PCDHGA6: variants seen among roughly 807,000 people sequenced by gnomAD.
PCDHGA6 encodes the protein protocadherin gamma subfamily A, 6, also known as protocadherin gamma-A6.
In PCDHGA6, 41 loss-of-function variants were observed where a neutral mutation model predicts 60.6. That is an observed-to-expected ratio of 0.68 (90% CI 0.53 to 0.88). The LOEUF is 0.88. Among genes scored for constraint, PCDHGA6 ranks in the 40% least tolerant of loss-of-function variants. The probability of loss-of-function intolerance (pLI) is 0.00; values close to 1 mark genes in which losing one functional copy is unlikely to be tolerated. For missense variants in PCDHGA6, 1,312 were observed against 1,203.0 expected (o/e 1.09, Z -1.34); for synonymous variants, 594 against 524.4 (o/e 1.13, Z -1.81).
chr5:141,430,151 A>T (rs774490087), intron 1 of PCDHGA6, among the ~76,000 whole-genome samples: 8 of 152,166 alleles, frequency 5.3e-5, no homozygotes, highest in Non-Finnish European at 8.8e-5. Flanking sequence ...GGATCATTCA[A>T]GGAATCTATT....
At chr5:141,418,863 TAG>T (rs1165304037) in intron 1 of PCDHGA6, 1 of 1,613,990 alleles carries the variant, frequency 6.2e-7, no homozygotes, top group Non-Finnish European at 8.5e-7. Context: ...AAAGTAATTG[TAG>T]AAGTTGTAGA....
At chr5:141,395,156 T>C in intron 1 of PCDHGA6, 4 of 1,614,114 alleles carry the variant, frequency 2.5e-6, no homozygotes, top group East Asian at 4.5e-5. Context: ...TGCTCATCAG[T>C]CAGGAGGGCT....
Position 141,491,994 on chromosome 5 carries a change from C to T in PCDHGA6, c.2425-2813C>T. On this transcript the variant is annotated intron_variant, in intron 1 of 3. Transcript: ENST00000517434. This position sits in a 1 kb window ranked among gnomAD's most constrained non-coding sequence, Gnocchi z 6.9. ...CCTCCTTCGAGCTTCCGGTGAATTT[C>T]GGGCGATTTCCGCGGGTGTCGGGGG... The T allele has an allele frequency of 4.3e-6, 3 of 693,016 alleles. No individual in the cohort carries two copies. The allele number at this position is 693,016 out of a possible 1,614,324, so 42.9% of individuals were successfully genotyped here.
intron 1 of PCDHGA6, chr5:141,392,935 A>G: frequency 1.2e-6 from 2 of 1,613,932 alleles, no homozygotes; most frequent in Non-Finnish European, 1.7e-6. Flanking sequence ...GAGACGGACA[A>G]AGGCTCCTTC....
chr5:141,477,697 T>G lies in PCDHGA6; in HGVS notation c.2425-17110T>G, dbSNP rs745625196. ...TGTCATCCTTAGTGCCCCTAGACTA[T>G]GAGGATCGGCGGGAATTTGAATTAA... On this transcript the variant is annotated intron_variant, in intron 1 of 3. Coordinates refer to ENST00000517434, the MANE Select transcript of PCDHGA6 (RefSeq NM_018919.3). The surrounding 1 kb of genome is among the most constrained non-coding windows in gnomAD (Gnocchi z 4.9). 6.2e-7 allele frequency: 1 copy of G among 1,614,160 alleles called. No homozygotes were observed. Among genetic ancestry groups the G allele is most frequent in the South Asian group, 1.1e-5 (1 of 91,090 alleles).
Position 141,487,613 on chromosome 5 carries a change from G to C in PCDHGA6, c.2425-7194G>C, listed in dbSNP as rs1460090760. 1 of 1,614,218 alleles carries C rather than the reference G, an allele frequency of 6.2e-7. No homozygotes were observed. ...ACCCTCTGATCTTCTCTATGGGCTA[G>C]AGGTGAGACCTTTGCAGGCTCAACA... On this transcript the variant is annotated intron_variant, in intron 1 of 3. Coordinates refer to ENST00000517434, the MANE Select transcript of PCDHGA6 (RefSeq NM_018919.3). The surrounding 1 kb of genome is among the most constrained non-coding windows in gnomAD (Gnocchi z 5.0).
chr5:141,502,039 G>T (rs2099812498), intron 2 of PCDHGA6, among the ~76,000 whole-genome samples: 1 of 152,126 alleles, frequency 6.6e-6, no homozygotes, highest in South Asian at 2.1e-4. Context: ...CCGCTTGCCT[G>T]CTCTCCCTAC....
In PCDHGA6 at chr5:141,478,301, G is replaced by C. The variant is rs778427815; in HGVS notation, c.2425-16506G>C. ...GAAGCAGTCTAGAGACCTATACCGA[G>C]CCCCGGTGAGCTCACTGTACCGAAC... On this transcript the variant is annotated intron_variant, in intron 1 of 3. Coordinates refer to ENST00000517434, the MANE Select transcript of PCDHGA6 (RefSeq NM_018919.3). 2.5e-6 allele frequency: 4 copies of C among 1,614,074 alleles called. No individual in the cohort carries two copies. In the South Asian group the frequency reaches 4.4e-5, roughly 18 times the overall value.
rs763011403 is a variant in PCDHGA6, at chr5:141,375,379, G to C, written c.1296G>C (p.Leu432=). ...CCACGGACAAAGGAACACCACCTCTGTCTACAGAAACAATCATCTCTCTAA... is the reference window on the plus strand; with the variant it reads ...CCACGGACAAAGGAACACCACCTCTCTCTACAGAAACAATCATCTCTCTAA... The part of the protein sequence containing the change: ...VTATDKGTPP[L]STETIISLNV... The change falls in exon 1 of 4, where the codon CTG becomes CTC. Residue 432 remains leucine, a synonymous_variant. Coordinates refer to ENST00000517434, the MANE Select transcript of PCDHGA6 (RefSeq NM_018919.3). 1.2e-6 allele frequency: 2 copies of C among 1,613,794 alleles called. No homozygotes were observed. Among genetic ancestry groups the C allele is most frequent in the Non-Finnish European group, 1.7e-6 (2 of 1,180,008 alleles).
At position 141,485,129 on chromosome 5, in the gene PCDHGA6, T is replaced by G. The variant is rs761201450; in HGVS notation, c.2425-9678T>G. 2.1e-6 allele frequency: 3 copies of G among 1,462,964 alleles called. No individual in the cohort carries two copies. Among genetic ancestry groups the G allele is most frequent in the Non-Finnish European group, 2.8e-6 (3 of 1,053,766 alleles). 90.6% of individuals were successfully genotyped at this position (1,462,964 alleles called of 1,614,324 possible). A position where few individuals can be genotyped will look rare whatever the true frequency, so the allele number is the denominator to read the frequency against. On this transcript the variant is annotated intron_variant, in intron 1 of 3. Coordinates refer to ENST00000517434, the MANE Select transcript of PCDHGA6 (RefSeq NM_018919.3). The surrounding 1 kb of genome is among the most constrained non-coding windows in gnomAD (Gnocchi z 5.7). ...TGTGGCTGTTTGGGGCGGGTCGGCT[T>G]CATCCGCGTCTCAGGAGCAAGTAGA...
At chr5:141,466,004 C>T (rs1336655723) in intron 1 of PCDHGA6, among the ~76,000 whole-genome samples, 1 of 151,920 alleles carries the variant, frequency 6.6e-6, no homozygotes, top group Non-Finnish European at 1.5e-5. Flanking sequence ...CACCTGTAGT[C>T]CCAGCTACTC....
At chr5:141,478,493 G>A in intron 1 of PCDHGA6, 1 of 1,613,176 alleles carries the variant, frequency 6.2e-7, no homozygotes, top group Non-Finnish European at 8.5e-7. Flanking sequence ...GCGGAGCTGT[G>A]ATCCGGTGTT....
At chr5:141,399,134 A>G (rs2093758534) in intron 1 of PCDHGA6, 6 of 1,613,856 alleles carry the variant, frequency 3.7e-6, no homozygotes, top group Non-Finnish European at 5.1e-6. Flanking sequence ...ATTCAAGATG[A>G]AAATGACAAT....
In PCDHGA6 at chr5:141,374,403, A is replaced by G. The variant is rs201390749; in HGVS notation, c.320A>G (p.Asn107Ser). 6.2e-4 allele frequency: 999 copies of G among 1,613,916 alleles called. 2 individuals are homozygous for G. Among genetic ancestry groups the G allele is most frequent in the Non-Finnish European group, 8.1e-4 (961 of 1,179,908 alleles). ...AQSPRCLVSF[N>S]ILVEDKLNLY... ...AGCCCGCGGTGTCTGGTGAGTTTTA[A>G]CATCCTTGTCGAGGATAAACTGAAT... Residue 107 changes from asparagine to serine, a missense_variant, in exon 1 of 4, where the codon AAC becomes AGC. By Grantham distance (46) the Asn-to-Ser change is conservative. Coordinates refer to ENST00000517434, the MANE Select transcript of PCDHGA6 (RefSeq NM_018919.3).
At chr5:141,408,632 G>C (rs2154540395) in intron 1 of PCDHGA6, 3 of 1,613,952 alleles carry the variant, frequency 1.9e-6, no homozygotes, top group Non-Finnish European at 1.7e-6. Flanking sequence ...AGAAATTTTC[G>C]AATCTGCATC....
At chr5:141,475,500 T>C (rs1393586791) in intron 1 of PCDHGA6, among the ~76,000 whole-genome samples, 1 of 152,248 alleles carries the variant, frequency 6.6e-6, no homozygotes, top group East Asian at 1.9e-4. Flanking sequence ...ACTGAAATTA[T>C]TAATGTCTCC....
intron 1 of PCDHGA6, chr5:141,478,239 C>T: frequency 1.2e-6 from 2 of 1,614,132 alleles, no homozygotes; most frequent in Non-Finnish European, 1.7e-6. Context: ...TTTGTGGTCA[C>T]AGTGTTCGGA....
intron 1 of PCDHGA6, among the ~76,000 whole-genome samples, chr5:141,455,808 A>G (rs2098832210): frequency 6.6e-6 from 1 of 152,050 alleles, no homozygotes; most frequent in Non-Finnish European, 1.5e-5. Flanking sequence ...TAAAAAATGA[A>G]AACTTCCCAA....
chr5:141,389,204 T>G, intron 1 of PCDHGA6: 6 of 1,613,894 alleles, frequency 3.7e-6, no homozygotes, highest in Non-Finnish European at 5.1e-6. Context: ...CCCTGCACAT[T>G]GGTGATGTAA....
Sources: gnomAD v4.1 joint callset for allele counts (sites outside exome capture counted in the v4.1 genomes callset) on GRCh38, gnomAD v4.1.1 for gene constraint, Gnocchi (gnomAD v3.1) non-coding constraint, MANE v1.5 for transcripts, NCBI Gene and HGNC (gene_info 2026-07-23, HGNC 2026-07-21) for gene names.